KIAA2012: variants seen among roughly 807,000 people sequenced by gnomAD.
KIAA2012 encodes KIAA2012.
A neutral mutation model predicts 150.6 loss-of-function variants in KIAA2012; 125 were observed. That is an observed-to-expected ratio of 0.83 (90% CI 0.72 to 0.96). The LOEUF is 0.96. Among genes scored for constraint, KIAA2012 ranks in the 40% least tolerant of loss-of-function variants. KIAA2012 has a pLI of 0.00. For missense variants in KIAA2012, 1,219 were observed against 1,354.9 expected (o/e 0.90, Z 1.57); for synonymous variants, 462 against 504.7 (o/e 0.92, Z 1.13).
At chr2:202,128,325 G>T (rs1489965138) in intron 12 of KIAA2012, among the ~76,000 whole-genome samples, 1 of 152,044 alleles carries the variant, frequency 6.6e-6, no homozygotes, top group African/African-American at 2.4e-5. Flanking sequence ...GAGTGCAGTG[G>T]CTGGATCTCA....
chr2:202,097,442 G>A lies in KIAA2012; in HGVS notation c.693G>A (p.Gln231=), dbSNP rs1689914982. The A allele has an allele frequency of 1.9e-6, 3 of 1,550,580 alleles. No homozygotes were observed. The highest frequency in any genetic ancestry group is 2.4e-5 in the South Asian group (2 of 84,056). Residue 231 remains glutamine, a synonymous_variant, in exon 5 of 24, where the codon CAG becomes CAA. Coordinates refer to ENST00000498697, the MANE Select transcript of KIAA2012 (RefSeq NM_001277372.4). ...CATTGTTCACCATTGCAGGTCAACA[G>A]GGCCTGGATGAAGGGGAAGCTGGAG... The part of the protein sequence containing the change: ...QQGKSFEQRQ[Q]GLDEGEAGAA...
At chr2:202,094,350 A>G (rs1051297356) in intron 4 of KIAA2012, among the ~76,000 whole-genome samples, 1 of 152,212 alleles carries the variant, frequency 6.6e-6, no homozygotes, top group Non-Finnish European at 1.5e-5. Flanking sequence ...CTTTGGGGAA[A>G]TGATCCGGTC....
At chr2:202,149,600 A>G (rs555030977) in intron 13 of KIAA2012, among the ~76,000 whole-genome samples, 8 of 152,324 alleles carry the variant, frequency 5.3e-5, no homozygotes, top group African/African-American at 1.9e-4. Context: ...ATGAGAGACA[A>G]TCGCTCTTCT....
intron 2 of KIAA2012, among the ~76,000 whole-genome samples, chr2:202,084,634 G>C (rs1195226801): frequency 6.6e-6 from 1 of 152,128 alleles, no homozygotes. Context: ...TCCTGTTCCA[G>C]AAACTCCCTC....
chr2:202,204,001 C>T (rs1311935379), intron 23 of KIAA2012, among the ~76,000 whole-genome samples: 1 of 151,894 alleles, frequency 6.6e-6, no homozygotes, highest in Non-Finnish European at 1.5e-5. Flanking sequence ...GATCTCCTGA[C>T]CTTGTGATCC....
intron 21 of KIAA2012, 66 bp from the exon 22 acceptor site, chr2:202,196,734 T>G (rs903899797): frequency 2.7e-6 from 4 of 1,502,438 alleles, no homozygotes; most frequent in Non-Finnish European, 3.6e-6. Context: ...ATTTGAGAGT[T>G]GGATCCGAAA....
chr2:202,159,839 T>C (rs191591016), intron 14 of KIAA2012, among the ~76,000 whole-genome samples: 2 of 152,070 alleles, frequency 1.3e-5, no homozygotes, highest in African/African-American at 4.8e-5. Context: ...CAAAAGTCTG[T>C]CTCAAAAAAA....
At chr2:202,165,951 A>C (rs1691750378) in intron 15 of KIAA2012, among the ~76,000 whole-genome samples, 1 of 152,152 alleles carries the variant, frequency 6.6e-6, no homozygotes, top group African/African-American at 2.4e-5. Context: ...TGTTCACATG[A>C]GCTCTTACCA....
rs1399657781 is a variant in KIAA2012 at position 202,104,277 on chromosome 2, C to A, written c.1324+1163C>A. 2.0e-5 allele frequency among the ~76,000 whole-genome samples: 3 copies of A among 152,038 alleles called. No homozygotes were observed. On this transcript the variant is annotated intron_variant, in intron 8 of 23. Transcript: ENST00000498697. The surrounding 1 kb of genome is among the most constrained non-coding windows in gnomAD (Gnocchi z 4.3). ...CCTTGCCAAAAAAAATTACTCAGCT[C>A]CCTAAAAAAAATAATAATAATAAAT...
Position 202,093,132 on chromosome 2 carries a change from T to C in KIAA2012, c.632T>C (p.Leu211Pro), listed in dbSNP as rs1490131667. Residue 211 changes from leucine (L) to proline (P), a missense_variant, in exon 4 of 24, where the codon CTC becomes CCC. Physicochemically the swap from Leu to Pro is moderately conservative, Grantham distance 98. Transcript: ENST00000498697. ...TCAGGTGTACCCCCAAAATACCATCTCCTGCCTGTCTTCCCTTCATTTTGG... is the reference window on the plus strand; with the variant it reads ...TCAGGTGTACCCCCAAAATACCATCCCCTGCCTGTCTTCCCTTCATTTTGG... ...DLSGVPPKYH[L>P]LPVFPSFWIQ... is the part of the protein sequence containing the mutation. The C allele has an allele frequency of 2.6e-6, 4 of 1,551,044 alleles. No homozygotes were observed. The highest frequency in any genetic ancestry group is 3.5e-6 in the Non-Finnish European group (4 of 1,147,104).
intron 12 of KIAA2012, chr2:202,135,750 A>T (rs1691044528): frequency 6.5e-6 from 1 of 153,776 alleles, no homozygotes; most frequent in African/African-American, 2.4e-5. Context: ...AGTGAACCTC[A>T]TCACAACACA....
intron 22 of KIAA2012, chr2:202,201,428 C>G: frequency 6.3e-7 from 1 of 1,593,912 alleles, no homozygotes; most frequent in Non-Finnish European, 8.6e-7. Flanking sequence ...AGAAGTTCCC[C>G]TTCCACTGAG....
chr2:202,165,222 G>T (rs553320857), intron 14 of KIAA2012, 62 bp from the exon 15 acceptor site: 2 of 1,437,390 alleles, frequency 1.4e-6, no homozygotes, highest in Non-Finnish European at 1.9e-6. Context: ...GATCACAGAA[G>T]TGTTTTAAGT....
At position 202,156,713 on chromosome 2, in the gene KIAA2012, A is replaced by G. The variant is rs4675270; in HGVS notation, c.2046+1903A>G. On this transcript the variant is annotated intron_variant, in intron 14 of 23. Transcript: ENST00000498697. Reference sequence around the variant, plus strand: ...AGCCTGGCTAACACGGTGAAACCCCATCTCTACTAAAAATACAAAAAATTA... The same window carrying G: ...AGCCTGGCTAACACGGTGAAACCCCGTCTCTACTAAAAATACAAAAAATTA... Among the ~76,000 whole-genome samples, 124 of 152,200 alleles carry G rather than the reference A, an allele frequency of 8.1e-4. 1 individual carries two copies. In the Middle Eastern group the frequency reaches 0.01, roughly 13 times the overall value.
intron 11 of KIAA2012, among the ~76,000 whole-genome samples, chr2:202,118,443 A>T (rs1435550370): frequency 1.3e-5 from 2 of 152,154 alleles, no homozygotes; most frequent in Non-Finnish European, 2.9e-5. Flanking sequence ...GATGCAAATT[A>T]TTTTCTGCCA....
intron 5 of KIAA2012, among the ~76,000 whole-genome samples, chr2:202,098,819 T>TGTGTGTGTGC (rs35157713): frequency 2.1e-5 from 3 of 145,050 alleles, no homozygotes; most frequent in African/African-American, 7.5e-5. Context: ...TGTGTGTGTG[T>TGTGTGTGTGC]GCACGCGCGC....
In KIAA2012 at chr2:202,184,840, A is replaced by C. The variant is rs1243661150; in HGVS notation, c.2207A>C (p.Lys736Thr). The change falls in exon 16 of 24, where the codon AAA (lysine) becomes ACA (threonine). Residue 736 changes from lysine (K) to threonine (T), a missense_variant. Coordinates refer to ENST00000498697, the MANE Select transcript of KIAA2012 (RefSeq NM_001277372.4). ...IQTPEADIVQKVGRDYDVHHL... is the reference protein window; with the variant it reads ...IQTPEADIVQTVGRDYDVHHL... Reference sequence around the variant, plus strand: ...ACCCCAGAAGCAGATATTGTGCAAAAAGTGTAAGTGTTCAAAGTTGTAATA... The same window carrying C: ...ACCCCAGAAGCAGATATTGTGCAAACAGTGTAAGTGTTCAAAGTTGTAATA... 2.6e-6 allele frequency: 4 copies of C among 1,544,888 alleles called. No homozygotes were observed. In the African/African-American group the frequency reaches 5.5e-5, roughly 21 times the overall value.
At chr2:202,105,939 C>T in intron 9 of KIAA2012, 29 bp downstream of exon 9, 2 of 1,550,824 alleles carry the variant, frequency 1.3e-6, no homozygotes, top group South Asian at 2.4e-5. Flanking sequence ...CAGCATCCCT[C>T]GGGAACCTCA....
Position 202,097,587 on chromosome 2 carries a change from CTTTT to C in KIAA2012, c.828+23_828+26del, listed in dbSNP as rs11288166. 1.5e-4 allele frequency: 211 copies of C among 1,416,678 alleles called. No individual in the cohort carries two copies. Among genetic ancestry groups the C allele is most frequent in the Middle Eastern group, 7.6e-4 (3 of 3,942 alleles). The allele number at this position is 1,416,678 out of a possible 1,614,324, so 87.8% of individuals were successfully genotyped here. A position where few individuals can be genotyped will look rare whatever the true frequency, so the allele number is the denominator to read the frequency against. On this transcript the variant is annotated intron_variant, in intron 5 of 23. Transcript: ENST00000498697. ...TGAAACGCAGGCAGAGGTACCATTT[CTTTT>C]TTTTTTTTTTTTCCCCGAGACGGAG...
Sources: allele counts gnomAD v4.1 joint callset (sites outside exome capture counted in the v4.1 genomes callset), GRCh38; gene constraint gnomAD v4.1.1; non-coding constraint Gnocchi (gnomAD v3.1); transcripts MANE v1.5; gene names NCBI Gene and HGNC (gene_info 2026-07-23, HGNC 2026-07-21).